The following CSMD1 variants were observed in gnomAD, a reference collection of about 807,000 sequenced individuals.
CSMD1 encodes the protein CUB and Sushi multiple domains 1, also known as CUB and sushi domain-containing protein 1.
A neutral mutation model predicts 417.5 loss-of-function variants in CSMD1; 213 were observed. The ratio of observed to expected loss-of-function variants is 0.51; its 90% CI spans 0.46 to 0.57. The LOEUF (loss-of-function observed/expected upper bound fraction) is 0.57. CSMD1 is among the 20% of genes least tolerant of loss of function. The pLI is 0.00. For synonymous variants in CSMD1, 2,862 were observed against 1,736.8 expected, an observed-to-expected ratio of 1.65 and a Z score of -16.11; for missense variants, 6,923 against 4,529.7, an observed-to-expected ratio of 1.53 and a Z score of -15.17.
At chr8:3,958,803 A>G (rs1812137625) in intron 5 of CSMD1, among the ~76,000 whole-genome samples, 2 of 152,234 alleles carry the variant, frequency 1.3e-5, no homozygotes, top group African/African-American at 2.4e-5. Context: ...GGCTTTATCT[A>G]TGATACACAT....
At chr8:3,347,764 A>T (rs931980478) in intron 22 of CSMD1, among the ~76,000 whole-genome samples, 2 of 152,210 alleles carry the variant, frequency 1.3e-5, no homozygotes, top group African/African-American at 2.4e-5. Flanking sequence ...TGGACTGATA[A>T]ATGTTAGATC....
intron 10 of CSMD1, among the ~76,000 whole-genome samples, chr8:3,552,002 A>G (rs543090216): frequency 6.6e-6 from 1 of 152,194 alleles, no homozygotes; most frequent in African/African-American, 2.4e-5. Context: ...CAGAAACAGG[A>G]ACTCGAGAAG....
chr8:4,943,378 C>G (rs1194324090), intron 1 of CSMD1, among the ~76,000 whole-genome samples: 1 of 151,948 alleles, frequency 6.6e-6, no homozygotes, highest in African/African-American at 2.4e-5. Flanking sequence ...CGCCTGTAGT[C>G]CCAGTTACTC....
intron 3 of CSMD1, among the ~76,000 whole-genome samples, chr8:4,038,887 A>C (rs1174242562): frequency 6.6e-6 from 1 of 152,156 alleles, no homozygotes; most frequent in Non-Finnish European, 1.5e-5. Flanking sequence ...GCCATTCTAA[A>C]TATGCACACG....
At chr8:4,981,384 C>A (rs1216871177) in intron 1 of CSMD1, among the ~76,000 whole-genome samples, 1 of 152,114 alleles carries the variant, frequency 6.6e-6, no homozygotes, top group Non-Finnish European at 1.5e-5. Context: ...ACTGATAGGA[C>A]CGAATTATCC....
intron 18 of CSMD1, among the ~76,000 whole-genome samples, chr8:3,384,881 G>A (rs1366635007): frequency 1.7e-5 from 2 of 117,776 alleles, no homozygotes; most frequent in African/African-American, 6.8e-5. Context: ...TATTATATAT[G>A]CAAATATATA....
intron 5 of CSMD1, among the ~76,000 whole-genome samples, chr8:3,912,161 C>G (rs1057175001): frequency 6.6e-6 from 1 of 152,164 alleles, no homozygotes; most frequent in Non-Finnish European, 1.5e-5. Flanking sequence ...ATGGGAACTT[C>G]ACATTTCTCA....
chr8:4,968,520 C>G (rs979022051), intron 1 of CSMD1, among the ~76,000 whole-genome samples: 1 of 152,072 alleles, frequency 6.6e-6, no homozygotes, highest in South Asian at 2.1e-4. Context: ...CTAATTTCCA[C>G]CTGCACTACT....
intron 10 of CSMD1, among the ~76,000 whole-genome samples, chr8:3,561,435 T>C (rs918361296): frequency 6.6e-6 from 1 of 151,034 alleles, no homozygotes; most frequent in Admixed American, 6.8e-5. Flanking sequence ...CTTTACACCA[T>C]GGATACCACA....
chr8:3,366,145 C>T (rs1178704485), intron 20 of CSMD1, among the ~76,000 whole-genome samples: 6 of 152,088 alleles, frequency 3.9e-5, no homozygotes, highest in Non-Finnish European at 8.8e-5. Flanking sequence ...GGAAGGAAAA[C>T]CCTCTTCGTC....
chr8:3,892,740 C>CTTT (rs1807068952), intron 5 of CSMD1, among the ~76,000 whole-genome samples: 1 of 136,050 alleles, frequency 7.4e-6, no homozygotes, highest in Non-Finnish European at 1.5e-5. Flanking sequence ...TTTTTTGCCA[C>CTTT]TTCTGTGCAT....
At chr8:4,164,150 G>T (rs1797324059) in intron 3 of CSMD1, among the ~76,000 whole-genome samples, 1 of 151,514 alleles carries the variant, frequency 6.6e-6, no homozygotes, top group Non-Finnish European at 1.5e-5. Flanking sequence ...CTCTTAAAAT[G>T]TAATCATTAG....
At chr8:3,075,857 T>G (rs576663771) in intron 49 of CSMD1, among the ~76,000 whole-genome samples, 1 of 143,190 alleles carries the variant, frequency 7.0e-6, no homozygotes, top group South Asian at 2.2e-4. Flanking sequence ...CTGGGTAACA[T>G]GGGGAAACAC....
chr8:3,429,523 C>G (rs1234257971), intron 12 of CSMD1, among the ~76,000 whole-genome samples: 3 of 152,094 alleles, frequency 2.0e-5, no homozygotes, highest in Admixed American at 2.0e-4. Flanking sequence ...CATGAAGACA[C>G]TTTGGGGGCT....
At chr8:3,307,310 C>A (rs1352178860) in intron 25 of CSMD1, among the ~76,000 whole-genome samples, 2 of 151,974 alleles carry the variant, frequency 1.3e-5, no homozygotes, top group Admixed American at 1.3e-4. Context: ...CTTTCCCAAC[C>A]ATCCCAGCTG....
At chr8:4,351,447 G>C (rs1189444782) in intron 3 of CSMD1, among the ~76,000 whole-genome samples, 3 of 152,170 alleles carry the variant, frequency 2.0e-5, no homozygotes, top group African/African-American at 7.2e-5. Context: ...TTAAAATAAT[G>C]TCTAAAAAGC....
At chr8:4,265,978 A>T (rs553287788) in intron 3 of CSMD1, among the ~76,000 whole-genome samples, 1 of 103,296 alleles carries the variant, frequency 9.7e-6, no homozygotes, top group Admixed American at 9.2e-5. Context: ...TTCCATGCCT[A>T]CTTTGTGTGC....
intron 3 of CSMD1, among the ~76,000 whole-genome samples, chr8:4,384,288 A>T (rs1026441948): frequency 1.3e-5 from 2 of 152,168 alleles, no homozygotes; most frequent in Non-Finnish European, 2.9e-5. Context: ...AGCCTTAGCC[A>T]ATTAAGATCC....
chr8:4,528,508 C>T (rs1462226112), intron 2 of CSMD1, among the ~76,000 whole-genome samples: 3 of 152,060 alleles, frequency 2.0e-5, no homozygotes, highest in Non-Finnish European at 4.4e-5. Context: ...TAGCATGGCG[C>T]CTAGAGTTAA....
Sources: allele counts gnomAD v4.1 joint callset (sites outside exome capture counted in the v4.1 genomes callset), GRCh38; gene constraint gnomAD v4.1.1; transcripts MANE v1.5; gene names NCBI Gene and HGNC (gene_info 2026-07-23, HGNC 2026-07-21).